Variants in GSTZ1 observed in about 807,000 individuals in gnomAD.
GSTZ1 encodes the protein glutathione S-transferase zeta 1.
A neutral mutation model predicts 35.9 loss-of-function variants in GSTZ1; 34 were observed. That is an observed-to-expected ratio of 0.95 (90% CI 0.72 to 1.26). The LOEUF is 1.26. GSTZ1 is among the 50% of genes most tolerant of loss of function. GSTZ1 has a pLI of 0.00. For synonymous variants in GSTZ1, 93 were observed against 101.2 expected, an observed-to-expected ratio of 0.92 and a Z score of 0.49; for missense variants, 263 against 271.7, an observed-to-expected ratio of 0.97 and a Z score of 0.23.
Position 77,324,916 on chromosome 14 carries a change from G to C in GSTZ1, c.62G>C (p.Arg21Pro). Reference protein sequence around the residue: ...YFRSSCSWRVRIALALKGIDY... With the variant: ...YFRSSCSWRVPIALALKGIDY... The stretch of plus-strand genomic sequence containing the variant: ...CGAAGCTCCTGCTCATGGAGAGTTC[G>C]AATTGGTAAGAGATGTGCCTCCTCC... Residue 21 changes from arginine to proline, a missense_variant, in exon 2 of 9, where the codon CGA becomes CCA. Arg to Pro is a moderately radical substitution (Grantham distance 103). Coordinates refer to ENST00000216465, the MANE Select transcript of GSTZ1 (RefSeq NM_145870.3). 6.2e-6 allele frequency: 10 copies of C among 1,613,056 alleles called. No homozygotes were observed. Among genetic ancestry groups the C allele is most frequent in the Non-Finnish European group, 8.5e-6 (10 of 1,178,992 alleles).
Position 77,324,508 on chromosome 14 carries a change from T to C in GSTZ1, c.16-362T>C, listed in dbSNP as rs141593031. 5.3e-4 allele frequency: 588 copies of C among 1,115,964 alleles called. 1 individual carries two copies. The highest frequency in any genetic ancestry group is 4.6e-3 in the East Asian group (179 of 38,946). The allele number at this position is 1,115,964 out of a possible 1,614,324, so 69.1% of individuals were successfully genotyped here. A position where few individuals can be genotyped will look rare whatever the true frequency, so the allele number is the denominator to read the frequency against. Reference sequence around the variant, plus strand: ...ATGCCTGGGTAGCCCAGCTTCCCCATTGGCTCCTGAAATCCACCCCTTTAG... The same window carrying C: ...ATGCCTGGGTAGCCCAGCTTCCCCACTGGCTCCTGAAATCCACCCCTTTAG... On this transcript the variant is annotated intron_variant, in intron 1 of 8. Transcript: ENST00000216465.
chr14:77,324,469 T>A, intron 1 of GSTZ1: 1 of 771,976 alleles, frequency 1.3e-6, no homozygotes, highest in Non-Finnish European at 2.2e-6. Flanking sequence ...CTGACCAGAG[T>A]CAAAGTTCCC....
intron 8 of GSTZ1, among the ~76,000 whole-genome samples, chr14:77,330,613 C>A (rs559305243): frequency 6.6e-5 from 10 of 152,266 alleles, no homozygotes; most frequent in Admixed American, 3.3e-4. Context: ...ACCTGGTGGA[C>A]CCCCAAGAGC....
At chr14:77,329,453 C>A in intron 6 of GSTZ1, 1 of 596,778 alleles carries the variant, frequency 1.7e-6, no homozygotes, top group Non-Finnish European at 3.0e-6. Flanking sequence ...TCACTGCCTA[C>A]TCCAGCTGGG....
At chr14:77,328,858 G>A in intron 5 of GSTZ1, 1 of 536,598 alleles carries the variant, frequency 1.9e-6, no homozygotes, top group Non-Finnish European at 3.4e-6. Flanking sequence ...TGTGTCACAT[G>A]AATAGGGATT....
rs1566677286 is a variant in GSTZ1 at position 77,331,296 on chromosome 14, C to T, written c.*101C>T. On this transcript the variant is annotated 3_prime_UTR_variant, in exon 9 of 9. Coordinates refer to ENST00000216465, the MANE Select transcript of GSTZ1 (RefSeq NM_145870.3). ...GTCTTAATTGAGGAGATGGGAGACT[C>T]GAACTCTAGCCCTGGATCTGCCTTC... The T allele has an allele frequency of 2.6e-5, 35 of 1,325,274 alleles. 1 individual carries two copies. In the South Asian group the frequency reaches 3.3e-4, roughly 12 times the overall value. The allele number at this position is 1,325,274 out of a possible 1,614,324, so 82.1% of individuals were successfully genotyped here.
At chr14:77,329,052 A>AC (rs1284028766) in intron 5 of GSTZ1, 71 bp from the exon 6 acceptor site, 2 of 1,060,870 alleles carry the variant, frequency 1.9e-6, no homozygotes, top group African/African-American at 3.1e-5. Context: ...AACTTCCCTG[A>AC]GGGGGTTTGG....
chr14:77,324,956 A>C (rs1594821560), intron 2 of GSTZ1, 35 bp downstream of exon 2: 1 of 1,575,690 alleles, frequency 6.3e-7, no homozygotes, highest in Admixed American at 1.7e-5. Flanking sequence ...TGAGTGCTGG[A>C]GTGGGGTGGA....
At chr14:77,322,536 C>T (rs984002607) in intron 1 of GSTZ1, 8 of 954,390 alleles carry the variant, frequency 8.4e-6, no homozygotes, top group Non-Finnish European at 1.0e-5. Flanking sequence ...TTAATGTCTG[C>T]CACACTCTAG....
At chr14:77,327,223 G>A in intron 3 of GSTZ1, 1 of 596,082 alleles carries the variant, frequency 1.7e-6, no homozygotes, top group South Asian at 2.0e-5. Flanking sequence ...AGCTGCCTTG[G>A]TGGCCACGGT....
At chr14:77,330,814 T>C (rs1892585706) in intron 8 of GSTZ1, among the ~76,000 whole-genome samples, 1 of 151,696 alleles carries the variant, frequency 6.6e-6, no homozygotes, top group Admixed American at 6.6e-5. Context: ...GGGAAGAGAG[T>C]CTGTATATAT....
At chr14:77,321,432 C>A (rs139988590) in intron 1 of GSTZ1, 12 of 1,525,146 alleles carry the variant, frequency 7.9e-6, no homozygotes, top group African/African-American at 1.4e-5. Context: ...GCTGTCCGGT[C>A]GCGCTTCACT....
At position 77,331,166 on chromosome 14, in the gene GSTZ1, C is replaced by T. The variant is rs1892610880; in HGVS notation, c.622C>T (p.Pro208Ser). The change falls in exon 9 of 9, where the codon CCA becomes TCA. Residue 208 changes from proline to serine, a missense_variant. By Grantham distance (74) the Pro-to-Ser change is moderately conservative (BLOSUM62 -1). Transcript: ENST00000216465. The part of the protein sequence containing the change: ...AFQVSHPCRQ[P>S]DTPTELRA The stretch of plus-strand genomic sequence containing the variant: ...CCAGGTGTCTCACCCCTGCCGGCAG[C>T]CAGATACACCCACTGAGCTGAGGGC... 5 of 1,613,940 alleles carry T rather than the reference C, an allele frequency of 3.1e-6. No individual in the cohort carries two copies. The highest frequency in any genetic ancestry group is 4.2e-6 in the Non-Finnish European group (5 of 1,179,970).
rs759348391 is a variant in GSTZ1, at chr14:77,326,884, CAT to C, written c.116_117del (p.Ile39LysfsTer9). On this transcript the variant is annotated frameshift_variant, in exon 3 of 9. Coordinates refer to ENST00000216465, the MANE Select transcript of GSTZ1 (RefSeq NM_145870.3). LOFTEE classifies it high-confidence loss of function. The part of the protein sequence containing the change: ...IDYETVPINL[I>X]KDGGQQFSKD... ...ACTACGAGACGGTGCCCATCAATCTCATAAAGGATGGGGGCCAACAGGTAAGA... is the reference window on the plus strand; with the variant it reads ...ACTACGAGACGGTGCCCATCAATCTCAAAGGATGGGGGCCAACAGGTAAGA... The C allele has an allele frequency of 6.2e-7, 1 of 1,605,794 alleles. No homozygotes were observed. The highest frequency in any genetic ancestry group is 8.5e-7 in the Non-Finnish European group (1 of 1,175,364).
intron 1 of GSTZ1, chr14:77,324,609 C>G (rs1263705080): frequency 6.5e-7 from 1 of 1,533,438 alleles, no homozygotes; most frequent in Non-Finnish European, 8.7e-7. Context: ...GATACCATGA[C>G]AGAGTCTGGC....
At position 77,327,710 on chromosome 14, in the gene GSTZ1, A is replaced by G. The variant is rs925670184; in HGVS notation, c.216+158A>G. 2.5e-5 allele frequency: 18 copies of G among 731,004 alleles called. No individual in the cohort carries two copies. The African/African-American group carries it at 3.0e-4, about 12-fold the overall frequency. The allele number at this position is 731,004 out of a possible 1,614,324, so 45.3% of individuals were successfully genotyped here. ...AGGGTGCGAGGTTATTTAGGAAAAT[A>G]AGGGAAGATTCAAGCACATGGAGAA... On this transcript the variant is annotated intron_variant, in intron 4 of 8. Coordinates refer to ENST00000216465, the MANE Select transcript of GSTZ1 (RefSeq NM_145870.3).
Position 77,327,534 on chromosome 14 carries a change from A to G in GSTZ1, c.198A>G (p.Gly66=), listed in dbSNP as rs1385856381. 3 of 1,606,222 alleles carry G rather than the reference A, an allele frequency of 1.9e-6. No individual in the cohort carries two copies. The South Asian group carries it at 3.3e-5, about 18-fold the overall frequency. ...MKQVPTLKID[G]ITIHQSLAII... is the part of the protein sequence containing the mutation. ...AGGTGCCAACCCTGAAGATTGATGG[A>G]ATCACCATTCACCAGTCAGTGAGTG... Residue 66 remains glycine, a synonymous_variant, in exon 4 of 9, where the codon GGA becomes GGG. Transcript: ENST00000216465.
chr14:77,329,674 T>G (rs1475891788), intron 6 of GSTZ1, 81 bp from the exon 7 acceptor site: 2 of 1,115,700 alleles, frequency 1.8e-6, no homozygotes, highest in African/African-American at 3.1e-5. Flanking sequence ...GCCCATTTCA[T>G]AACTATGGAG....
In GSTZ1 at chr14:77,327,569, G is replaced by A. The variant is rs200275588; in HGVS notation, c.216+17G>A. 1,237 of 1,539,874 alleles carry A rather than the reference G, an allele frequency of 8.0e-4. 1 individual carries two copies. Among genetic ancestry groups the A allele is most frequent in the Non-Finnish European group, 1.0e-3 (1,170 of 1,117,914 alleles). On this transcript the variant is annotated intron_variant, in intron 4 of 8. Transcript: ENST00000216465. Reference sequence around the variant, plus strand: ...CACCAGTCAGTGAGTGCAGGGCCTGGGGGAGGGCCCTCATGAGAGCAGTGC... The same window carrying A: ...CACCAGTCAGTGAGTGCAGGGCCTGAGGGAGGGCCCTCATGAGAGCAGTGC...
Sources: allele counts gnomAD v4.1 joint callset (sites outside exome capture counted in the v4.1 genomes callset), GRCh38; gene constraint gnomAD v4.1.1; transcripts MANE v1.5; gene names NCBI Gene and HGNC (gene_info 2026-07-23, HGNC 2026-07-21).